Variants in KIAA1328 observed in about 807,000 individuals in gnomAD.
The protein encoded by KIAA1328 is KIAA1328, also known as protein hinderin.
A neutral mutation model predicts 68.1 loss-of-function variants in KIAA1328; 52 were observed. That is an observed-to-expected ratio of 0.76 (90% CI 0.61 to 0.96). The LOEUF (loss-of-function observed/expected upper bound fraction) is 0.96, where lower values mean the gene tolerates loss of function less well. Ranked by LOEUF, KIAA1328 falls within the 40% of genes least tolerant of loss-of-function variation. KIAA1328 has a pLI of 0.00. For synonymous variants in KIAA1328, 232 were observed against 239.4 expected, an observed-to-expected ratio of 0.97 and a Z score of 0.28; for missense variants, 641 against 677.6, an observed-to-expected ratio of 0.95 and a Z score of 0.60.
chr18:36,936,250 G>A (rs762496424), intron 5 of KIAA1328, among the ~76,000 whole-genome samples: 1 of 151,732 alleles, frequency 6.6e-6, no homozygotes, highest in Admixed American at 6.6e-5. Context: ...TGCACCTATC[G>A]ACCCATCCTC....
intron 9 of KIAA1328, among the ~76,000 whole-genome samples, chr18:37,196,151 C>G (rs1469102321): frequency 6.6e-6 from 1 of 152,076 alleles, no homozygotes; most frequent in Non-Finnish European, 1.5e-5. Context: ...TATCCTGCAA[C>G]TTGACTAAAT....
chr18:37,207,261 A>T (rs2060233277), intron 9 of KIAA1328, among the ~76,000 whole-genome samples: 1 of 152,148 alleles, frequency 6.6e-6, no homozygotes, highest in African/African-American at 2.4e-5. Context: ...CCAATTGTGC[A>T]TGCAAATAAA....
At chr18:37,163,400 C>T (rs1038900372) in intron 8 of KIAA1328, among the ~76,000 whole-genome samples, 1 of 152,104 alleles carries the variant, frequency 6.6e-6, no homozygotes, top group South Asian at 2.1e-4. Context: ...CTCTAAATTC[C>T]CTTAAAATGT....
At chr18:37,045,091 G>A (rs997868829) in intron 6 of KIAA1328, among the ~76,000 whole-genome samples, 1 of 152,180 alleles carries the variant, frequency 6.6e-6, no homozygotes, top group East Asian at 1.9e-4. Flanking sequence ...AAAAATCTCA[G>A]TAAGAATTCT....
At chr18:37,165,590 T>A (rs1327691156) in intron 8 of KIAA1328, among the ~76,000 whole-genome samples, 1 of 148,978 alleles carries the variant, frequency 6.7e-6, no homozygotes, top group African/African-American at 2.5e-5. Flanking sequence ...CGGCTAATTT[T>A]TTTTTTTTTT....
chr18:36,990,921 C>T (rs1450770464), intron 6 of KIAA1328, among the ~76,000 whole-genome samples: 2 of 152,032 alleles, frequency 1.3e-5, no homozygotes, highest in African/African-American at 4.8e-5. Flanking sequence ...AGAATGGCAG[C>T]CTTTGCCTTG....
intron 6 of KIAA1328, among the ~76,000 whole-genome samples, chr18:36,998,652 G>A (rs1211879270): frequency 6.6e-6 from 1 of 152,090 alleles, no homozygotes; most frequent in Non-Finnish European, 1.5e-5. Context: ...AGCCCCTAAG[G>A]AAATCAGATA....
intron 7 of KIAA1328, among the ~76,000 whole-genome samples, chr18:37,103,801 AATAC>A (rs1248693975): frequency 2.0e-5 from 2 of 102,296 alleles, no homozygotes; most frequent in Non-Finnish European, 3.7e-5. Context: ...TTCAATAGCA[AATAC>A]ACACACACAC....
At chr18:36,982,981 A>G (rs2052757545) in intron 6 of KIAA1328, among the ~76,000 whole-genome samples, 1 of 152,066 alleles carries the variant, frequency 6.6e-6, no homozygotes. Flanking sequence ...TAAAATAACA[A>G]GATTGTAACA....
intron 3 of KIAA1328, among the ~76,000 whole-genome samples, chr18:36,837,211 T>G (rs2046708016): frequency 6.6e-6 from 1 of 152,172 alleles, no homozygotes; most frequent in Admixed American, 6.5e-5. Flanking sequence ...TACATTCGAC[T>G]AGCAATGTAT....
chr18:37,000,599 C>CA (rs1184575605), intron 6 of KIAA1328, among the ~76,000 whole-genome samples: 45 of 150,584 alleles, frequency 3.0e-4, no homozygotes, highest in South Asian at 8.4e-4. Context: ...TGTTAGGCCA[C>CA]AAAAAAAACT....
intron 1 of KIAA1328, among the ~76,000 whole-genome samples, chr18:36,829,931 T>C (rs2150742324): frequency 6.6e-6 from 1 of 152,318 alleles, no homozygotes; most frequent in East Asian, 1.9e-4. Context: ...GATGTTTGTG[T>C]GACAGGAGTG....
chr18:37,138,919 A>G (rs1156464043), intron 7 of KIAA1328, among the ~76,000 whole-genome samples: 4 of 148,204 alleles, frequency 2.7e-5, no homozygotes, highest in Non-Finnish European at 6.0e-5. Flanking sequence ...TTGACAGTAC[A>G]TGGAATATTT....
chr18:36,844,425 G>A, intron 4 of KIAA1328, 123 bp downstream of exon 4: 1 of 545,666 alleles, frequency 1.8e-6, no homozygotes, highest in Non-Finnish European at 3.0e-6. Context: ...AAGAGTTTTG[G>A]AAAAAAGACA....
intron 6 of KIAA1328, among the ~76,000 whole-genome samples, chr18:37,009,384 T>C (rs2053895409): frequency 1.3e-5 from 2 of 152,172 alleles, no homozygotes; most frequent in African/African-American, 4.8e-5. Flanking sequence ...GAAATCGCCT[T>C]AAGAGGATAG....
chr18:37,005,715 A>G (rs979744440), intron 6 of KIAA1328, among the ~76,000 whole-genome samples: 10 of 152,172 alleles, frequency 6.6e-5, no homozygotes, highest in Admixed American at 2.6e-4. Context: ...GCTTTCATCA[A>G]TAGATGAATG....
chr18:37,192,501 C>G (rs927585941), intron 9 of KIAA1328, among the ~76,000 whole-genome samples: 1 of 152,176 alleles, frequency 6.6e-6, no homozygotes, highest in African/African-American at 2.4e-5. Flanking sequence ...ATTTTGACCT[C>G]ATAGAATTTA....
chr18:37,156,101 CTT>C (rs1476116387), intron 7 of KIAA1328, among the ~76,000 whole-genome samples: 2 of 152,066 alleles, frequency 1.3e-5, no homozygotes, highest in South Asian at 4.2e-4. Context: ...ACTAAAATCT[CTT>C]TAAGAATAGG....
intron 7 of KIAA1328, among the ~76,000 whole-genome samples, chr18:37,071,284 G>A (rs570263116): frequency 5.3e-5 from 8 of 151,538 alleles, no homozygotes; most frequent in African/African-American, 1.9e-4. Context: ...TTTTTCCCAG[G>A]CTGGTCTTGA....
Sources: allele counts gnomAD v4.1 joint callset (sites outside exome capture counted in the v4.1 genomes callset), GRCh38; gene constraint gnomAD v4.1.1; transcripts MANE v1.5; gene names NCBI Gene and HGNC (gene_info 2026-07-23, HGNC 2026-07-21).